STOX1: variants seen among roughly 807,000 people sequenced by gnomAD.
STOX1 encodes storkhead-box protein 1.
Under a neutral mutation model 74.8 loss-of-function variants are expected in STOX1, and 57 were observed. The ratio of observed to expected loss-of-function variants is 0.76; its 90% confidence interval spans 0.62 to 0.95. STOX1 has a LOEUF of 0.95. Among genes scored for constraint, STOX1 ranks in the 40% least tolerant of loss-of-function variants. The pLI, the probability that STOX1 is intolerant of heterozygous loss-of-function variation, is 0.00. For synonymous variants in STOX1, 375 were observed against 401.3 expected (o/e 0.93, Z 0.78); for missense variants, 1,010 against 1,117.0 (o/e 0.90, Z 1.37).
At chr10:68,868,085 C>T (rs112917532) in intron 1 of STOX1, among the ~76,000 whole-genome samples, 15,067 of 152,322 alleles carry the variant, frequency 0.099, 968 homozygotes, top group Non-Finnish European at 0.15. Flanking sequence ...GCTCTGGCGA[C>T]CCTTCGATCC....
chr10:68,870,262 T>C (rs1450542908), intron 1 of STOX1, among the ~76,000 whole-genome samples: 1 of 152,232 alleles, frequency 6.6e-6, no homozygotes, highest in Non-Finnish European at 1.5e-5. Context: ...TGTTAGTCAC[T>C]GTCATTGCCT....
chr10:68,890,624 C>T (rs1841074039), intron 3 of STOX1, among the ~76,000 whole-genome samples: 1 of 141,658 alleles, frequency 7.1e-6, no homozygotes, highest in Admixed American at 7.1e-5. Flanking sequence ...ATCATTACTT[C>T]TTTATTGGGG....
chr10:68,870,309 T>C (rs1043930836), intron 1 of STOX1, among the ~76,000 whole-genome samples: 16 of 152,160 alleles, frequency 1.1e-4, no homozygotes, highest in African/African-American at 3.9e-4. Context: ...AGAGGCACCA[T>C]AATCTGTTCC....
At chr10:68,878,212 T>C (rs1286368920) in intron 1 of STOX1, among the ~76,000 whole-genome samples, 3 of 152,270 alleles carry the variant, frequency 2.0e-5, no homozygotes, top group South Asian at 4.1e-4. Context: ...TACAGTTATA[T>C]CAAAGAAGCA....
chr10:68,887,368 C>T (rs570718144), intron 3 of STOX1, among the ~76,000 whole-genome samples: 16 of 152,210 alleles, frequency 1.1e-4, no homozygotes, highest in East Asian at 3.9e-4. Flanking sequence ...CCACAACCTC[C>T]GCCTCCTGGA....
At chr10:68,855,634 G>A (rs971299942) in intron 1 of STOX1, among the ~76,000 whole-genome samples, 5 of 151,390 alleles carry the variant, frequency 3.3e-5, no homozygotes, top group African/African-American at 1.2e-4. Context: ...TTGTAGTGAT[G>A]GGATCTCATT....
chr10:68,861,016 C>T (rs1564578435), intron 1 of STOX1, among the ~76,000 whole-genome samples: 1 of 152,116 alleles, frequency 6.6e-6, no homozygotes. Context: ...CAAGACCAGC[C>T]TGACCAACAT....
chr10:68,852,432 G>T (rs542308880), intron 1 of STOX1, among the ~76,000 whole-genome samples: 2 of 150,784 alleles, frequency 1.3e-5, no homozygotes, highest in South Asian at 2.1e-4. Context: ...CTAATTTTTT[G>T]TATTTTTAGT....
At chr10:68,852,195 A>G (rs1840003125) in intron 1 of STOX1, among the ~76,000 whole-genome samples, 1 of 150,356 alleles carries the variant, frequency 6.7e-6, no homozygotes, top group Non-Finnish European at 1.5e-5. Flanking sequence ...ATGAGAAGTC[A>G]GCTGTTAATC....
chr10:68,879,432 G>A (rs1049176775), intron 1 of STOX1, among the ~76,000 whole-genome samples: 2 of 152,050 alleles, frequency 1.3e-5, no homozygotes, highest in African/African-American at 4.8e-5. Flanking sequence ...CTCAGATAGA[G>A]TAGCATCTTC....
intron 3 of STOX1, among the ~76,000 whole-genome samples, chr10:68,889,444 C>T (rs113451466): frequency 0.021 from 3,216 of 152,046 alleles, 49 homozygotes; most frequent in Middle Eastern, 0.049. Context: ...GGCATGAGCC[C>T]TGTACCAGGG....
rs985249937 is a variant in STOX1, at chr10:68,842,506, G to T, written c.310+14573G>T. ...AAGTGATCCTTTTTCTTGTTGATGCGAGGTGCCTCTCCATGGCTCTGTACC... is the reference window on the plus strand; with the variant it reads ...AAGTGATCCTTTTTCTTGTTGATGCTAGGTGCCTCTCCATGGCTCTGTACC... On this transcript the variant is annotated intron_variant, in intron 1 of 3. Transcript: ENST00000298596. Among the ~76,000 whole-genome samples, 5 of 150,938 alleles carry T rather than the reference G, an allele frequency of 3.3e-5. No individual in the cohort carries two copies. The East Asian group carries it at 9.7e-4, about 29-fold the overall frequency.
intron 1 of STOX1, among the ~76,000 whole-genome samples, chr10:68,832,181 C>T (rs1057504713): frequency 6.6e-6 from 1 of 152,038 alleles, no homozygotes; most frequent in African/African-American, 2.4e-5. Flanking sequence ...GAAGGAGGTA[C>T]TGCAGGGAGG....
rs147858681 is a variant in STOX1 at position 68,834,789 on chromosome 10, A to G, written c.310+6856A>G. 3.4e-3 allele frequency among the ~76,000 whole-genome samples: 512 copies of G among 152,174 alleles called. 4 individuals carry two copies. Among genetic ancestry groups the G allele is most frequent in the African/African-American group, 0.012 (493 of 41,520 alleles). On this transcript the variant is annotated intron_variant, in intron 1 of 3. Transcript: ENST00000298596. ...ACCCAGGCTGGAGTGCAGTGGCGTG[A>G]TCTCGGCTCACTGCAACCTATGCCT...
chr10:68,838,300 C>T (rs546570865), intron 1 of STOX1, among the ~76,000 whole-genome samples: 1 of 151,988 alleles, frequency 6.6e-6, no homozygotes, highest in Admixed American at 6.6e-5. Flanking sequence ...CTCCTGGGCT[C>T]GAGTGATTCT....
chr10:68,844,556 C>T lies in STOX1; in HGVS notation c.310+16623C>T, dbSNP rs147389384. 8.6e-3 allele frequency among the ~76,000 whole-genome samples: 1,304 copies of T among 152,150 alleles called. 17 individuals carry two copies. The highest frequency in any genetic ancestry group is 0.029 in the African/African-American group (1,213 of 41,508). ...TCAGGTGATCCACTGGCCTCAGCCT[C>T]CCAAAGCACTGCGATTATAGGCATG... On this transcript the variant is annotated intron_variant, in intron 1 of 3. Transcript: ENST00000298596.
At chr10:68,828,989 C>G (rs1287056677) in intron 1 of STOX1, 7 of 985,322 alleles carry the variant, frequency 7.1e-6, no homozygotes. Flanking sequence ...GCACTAAACC[C>G]AGGCAGGTGT....
intron 1 of STOX1, among the ~76,000 whole-genome samples, chr10:68,850,958 C>T (rs11815653): frequency 0.077 from 11,611 of 150,852 alleles, 609 homozygotes; most frequent in Admixed American, 0.15. Context: ...GGTGACAGAG[C>T]GAGACCGTGT....
At chr10:68,837,054 C>T (rs1340439325) in intron 1 of STOX1, among the ~76,000 whole-genome samples, 1 of 152,174 alleles carries the variant, frequency 6.6e-6, no homozygotes, top group Non-Finnish European at 1.5e-5. Flanking sequence ...AGCATTTACC[C>T]TCTGCCCAGC....
Sources: allele counts gnomAD v4.1 joint callset (sites outside exome capture counted in the v4.1 genomes callset), GRCh38; gene constraint gnomAD v4.1.1; transcripts MANE v1.5; gene names NCBI Gene and HGNC (gene_info 2026-07-23, HGNC 2026-07-21).